The following ALPK1 variants were observed in gnomAD, a reference collection of about 807,000 sequenced individuals.
ALPK1 encodes the protein alpha kinase 1, also known as alpha-protein kinase 1.
Under a neutral mutation model 120.6 loss-of-function variants are expected in ALPK1, and 110 were observed. That is an observed-to-expected ratio of 0.91 (90% CI 0.78 to 1.07). The LOEUF is 1.07. ALPK1 is among the 50% of genes least tolerant of loss of function. ALPK1 has a pLI of 0.00. For missense variants in ALPK1, 1,498 were observed against 1,483.9 expected, an observed-to-expected ratio of 1.01 and a Z score of -0.16; for synonymous variants, 582 against 560.3, an observed-to-expected ratio of 1.04 and a Z score of -0.55.
At chr4:112,417,028 T>C (rs956814579) in intron 5 of ALPK1, among the ~76,000 whole-genome samples, 1 of 152,098 alleles carries the variant, frequency 6.6e-6, no homozygotes, top group African/African-American at 2.4e-5. Flanking sequence ...AAGTATCTTA[T>C]CAATAATAAG....
rs747432717 is a variant in ALPK1, at chr4:112,427,687, G to A, written c.795+22G>A. 7 of 1,531,946 alleles carry A rather than the reference G, an allele frequency of 4.6e-6. No individual in the cohort carries two copies. The African/African-American group carries it at 6.8e-5, about 15-fold the overall frequency. 94.9% of individuals were successfully genotyped at this position (1,531,946 alleles called of 1,614,324 possible). A position where few individuals can be genotyped will look rare whatever the true frequency, so the allele number is the denominator to read the frequency against. On this transcript the variant is annotated intron_variant, in intron 9 of 15. Transcript: ENST00000650871. ...TTTGGTAATTATCATAACACTGAGT[G>A]GCATCACCTGTAAAATTGTCAATCG...
At chr4:112,312,212 T>C (rs1728435607) in intron 1 of ALPK1, among the ~76,000 whole-genome samples, 1 of 152,190 alleles carries the variant, frequency 6.6e-6, no homozygotes. Flanking sequence ...ATATTATTTT[T>C]CTCCAAAATT....
chr4:112,422,233 G>A (rs1408641800), intron 5 of ALPK1, among the ~76,000 whole-genome samples: 3 of 152,110 alleles, frequency 2.0e-5, no homozygotes, highest in Non-Finnish European at 4.4e-5. Flanking sequence ...TAATATTTTT[G>A]GACTGTGGTT....
chr4:112,352,970 CCTT>C (rs1730430913), intron 2 of ALPK1: 1 of 79,966 alleles, frequency 1.3e-5, no homozygotes, highest in Admixed American at 1.6e-4. Context: ...CCTTTCCTTT[CCTT>C]TTTTTTTTTT....
intron 2 of ALPK1, among the ~76,000 whole-genome samples, chr4:112,347,352 G>A (rs1730143033): frequency 6.6e-6 from 1 of 152,136 alleles, no homozygotes; most frequent in South Asian, 2.1e-4. Context: ...ACAAATCACT[G>A]AACTTTTGAC....
intron 2 of ALPK1, among the ~76,000 whole-genome samples, chr4:112,368,812 T>C (rs886788199): frequency 3.3e-5 from 5 of 152,312 alleles, no homozygotes; most frequent in Admixed American, 2.0e-4. Flanking sequence ...TAGCTCACTC[T>C]TATACTGAAG....
At chr4:112,321,181 G>A (rs1206828915) in intron 2 of ALPK1, among the ~76,000 whole-genome samples, 2 of 152,010 alleles carry the variant, frequency 1.3e-5, no homozygotes, top group Non-Finnish European at 1.5e-5. Flanking sequence ...ACAGGCGTGA[G>A]CCACCGAGCC....
intron 2 of ALPK1, among the ~76,000 whole-genome samples, chr4:112,329,114 T>C (rs2148699577): frequency 6.6e-6 from 1 of 152,248 alleles, no homozygotes; most frequent in South Asian, 2.1e-4. Context: ...AGTAGGTACC[T>C]ATGAAAATGT....
intron 4 of ALPK1, 57 bp downstream of exon 4, chr4:112,382,609 C>CT (rs1560663253): frequency 2.5e-6 from 4 of 1,610,158 alleles, no homozygotes; most frequent in Non-Finnish European, 1.7e-6. Flanking sequence ...CATTTAGACT[C>CT]TAAGTGGTCT....
At chr4:112,327,614 T>A (rs1461242850) in intron 2 of ALPK1, among the ~76,000 whole-genome samples, 1 of 152,076 alleles carries the variant, frequency 6.6e-6, no homozygotes, top group Non-Finnish European at 1.5e-5. Flanking sequence ...TTTTAAAAAT[T>A]TTTTTTGTAG....
intron 5 of ALPK1, among the ~76,000 whole-genome samples, chr4:112,416,659 G>A (rs893521505): frequency 8.2e-4 from 125 of 152,042 alleles, no homozygotes; most frequent in African/African-American, 2.9e-3. Flanking sequence ...GGGATCGCAT[G>A]AGCCCAAGAG....
chr4:112,357,493 A>G (rs1439583693), intron 2 of ALPK1: 2 of 758,422 alleles, frequency 2.6e-6, no homozygotes, highest in African/African-American at 3.4e-5. Context: ...CTGGTGCTTC[A>G]GTCCTGGCCA....
At chr4:112,349,255 A>T (rs1281448361) in intron 2 of ALPK1, among the ~76,000 whole-genome samples, 2 of 152,192 alleles carry the variant, frequency 1.3e-5, no homozygotes, top group African/African-American at 4.8e-5. Context: ...ACGTGACTTT[A>T]TACTGGAAAA....
intron 4 of ALPK1, among the ~76,000 whole-genome samples, chr4:112,400,953 T>C (rs1277978674): frequency 6.6e-6 from 1 of 151,992 alleles, no homozygotes; most frequent in Non-Finnish European, 1.5e-5. Flanking sequence ...TGAGAGTGAG[T>C]GTTGGGGAAA....
intron 5 of ALPK1, among the ~76,000 whole-genome samples, chr4:112,420,173 C>A (rs556169364): frequency 1.3e-5 from 2 of 152,172 alleles, no homozygotes; most frequent in South Asian, 4.1e-4. Context: ...AGAGTTCACA[C>A]TCTAATGGGG....
At position 112,313,811 on chromosome 4, in the gene ALPK1, TA is replaced by T. The variant is rs1488960346; in HGVS notation, c.-152-1988del. On this transcript the variant is annotated intron_variant, in intron 1 of 15. Coordinates refer to ENST00000650871, the MANE Select transcript of ALPK1 (RefSeq NM_025144.4). ...TTTGACAAAATTTGTTTCAGTGGCA[TA>T]ATGGGACAAAAGTCTAATTAGAATG... is the stretch of plus-strand genomic sequence containing the variant. 2.0e-5 allele frequency among the ~76,000 whole-genome samples: 3 copies of T among 152,234 alleles called. No individual in the cohort carries two copies. The East Asian group carries it at 5.8e-4, about 29-fold the overall frequency.
intron 2 of ALPK1, among the ~76,000 whole-genome samples, chr4:112,336,439 G>T (rs1729624068): frequency 6.6e-6 from 1 of 152,144 alleles, no homozygotes; most frequent in South Asian, 2.1e-4. Context: ...TAAGCAAGTT[G>T]CTCAATCTCT....
intron 12 of ALPK1, 36 bp downstream of exon 12, chr4:112,435,337 A>G: frequency 6.3e-7 from 1 of 1,587,698 alleles, no homozygotes. Flanking sequence ...CTAATGTAAG[A>G]TGAGCTAACC....
At chr4:112,350,471 A>G (rs1730306149) in intron 2 of ALPK1, among the ~76,000 whole-genome samples, 1 of 152,190 alleles carries the variant, frequency 6.6e-6, no homozygotes, top group Non-Finnish European at 1.5e-5. Context: ...CAGTTTTGAC[A>G]TTCTGACTCC....
Sources: gnomAD v4.1 joint callset for allele counts (sites outside exome capture counted in the v4.1 genomes callset) on GRCh38, gnomAD v4.1.1 for gene constraint, MANE v1.5 for transcripts, NCBI Gene and HGNC (gene_info 2026-07-23, HGNC 2026-07-21) for gene names.